The following PPM1H variants were observed in gnomAD, a reference collection of about 807,000 sequenced individuals.
PPM1H encodes protein phosphatase, Mg2+/Mn2+ dependent 1H.
A neutral mutation model predicts 54.9 loss-of-function variants in PPM1H; 27 were observed. The observed-to-expected ratio is 0.49, with a 90% confidence interval of 0.36 to 0.68. The LOEUF (loss-of-function observed/expected upper bound fraction) is 0.68, where lower values mean the gene tolerates loss of function less well. Ranked by LOEUF, PPM1H falls within the 30% of genes least tolerant of loss-of-function variation. The probability of loss-of-function intolerance (pLI) is 0.00; values close to 1 mark genes in which losing one functional copy is unlikely to be tolerated. For synonymous variants in PPM1H, 305 were observed against 270.8 expected (o/e 1.13, Z -1.24); for missense variants, 596 against 667.8 (o/e 0.89, Z 1.19).
At chr12:62,718,208 C>T (rs2120453236) in intron 6 of PPM1H, among the ~76,000 whole-genome samples, 1 of 152,334 alleles carries the variant, frequency 6.6e-6, no homozygotes, top group East Asian at 1.9e-4. Context: ...GTTAAAGAGA[C>T]ATATTTAAAT....
At chr12:62,693,495 C>T (rs2076094846) in intron 7 of PPM1H, among the ~76,000 whole-genome samples, 1 of 152,220 alleles carries the variant, frequency 6.6e-6, no homozygotes, top group African/African-American at 2.4e-5. Context: ...ACCACATCCG[C>T]AGCTGCCCCT....
At chr12:62,764,586 T>C (rs935609998) in intron 4 of PPM1H, among the ~76,000 whole-genome samples, 1 of 152,178 alleles carries the variant, frequency 6.6e-6, no homozygotes, top group African/African-American at 2.4e-5. Flanking sequence ...AAGACCTTTC[T>C]TCCTCTCCCA....
chr12:62,668,781 ATATCACCTC>A, intron 8 of PPM1H, among the ~76,000 whole-genome samples: 1 of 152,250 alleles, frequency 6.6e-6, no homozygotes, highest in Non-Finnish European at 1.5e-5. Flanking sequence ...AGAGACAATC[ATATCACCTC>A]AGCCTAGAGA....
intron 1 of PPM1H, among the ~76,000 whole-genome samples, chr12:62,900,624 C>T (rs1043642387): frequency 6.6e-6 from 1 of 151,084 alleles, no homozygotes; most frequent in African/African-American, 2.4e-5. Flanking sequence ...GAAAGGACTA[C>T]GTGGAAACGA....
At chr12:62,896,486 G>A (rs1157102468) in intron 1 of PPM1H, among the ~76,000 whole-genome samples, 4 of 152,106 alleles carry the variant, frequency 2.6e-5, no homozygotes, top group Admixed American at 1.3e-4. Flanking sequence ...GCAGCCAACA[G>A]ACATATGAAA....
chr12:62,684,698 G>A (rs1455264766), intron 8 of PPM1H, among the ~76,000 whole-genome samples: 1 of 152,048 alleles, frequency 6.6e-6, no homozygotes, highest in Non-Finnish European at 1.5e-5. Flanking sequence ...AAAGATCCAC[G>A]CCTGGCAAAG....
intron 8 of PPM1H, among the ~76,000 whole-genome samples, chr12:62,683,033 T>TTA (rs1555188730): frequency 4.5e-5 from 6 of 133,674 alleles, no homozygotes; most frequent in Non-Finnish European, 6.5e-5. Context: ...GAGTTTATTA[T>TTA]TTATTATTAT....
chr12:62,664,158 C>A (rs562795663), intron 9 of PPM1H, among the ~76,000 whole-genome samples: 17 of 152,142 alleles, frequency 1.1e-4, no homozygotes, highest in African/African-American at 3.6e-4. Flanking sequence ...GATCTTGTGG[C>A]CAGAGGTTCC....
At chr12:62,726,044 AT>A (rs1249211871) in intron 5 of PPM1H, among the ~76,000 whole-genome samples, 1 of 152,098 alleles carries the variant, frequency 6.6e-6, no homozygotes, top group Non-Finnish European at 1.5e-5. Context: ...CCTGTGATAT[AT>A]TTTTACCACT....
chr12:62,727,997 G>A lies in PPM1H; in HGVS notation c.955-7708C>T, dbSNP rs144291245. On this transcript the variant is annotated intron_variant, in intron 5 of 9. Coordinates refer to ENST00000228705, the MANE Select transcript of PPM1H (RefSeq NM_020700.2). ...TTTAAAGTGTACCAGCCCACCCTCCGATTAAAAAAAAAGGATCTCTTCTTG... is the reference window on the plus strand; with the variant it reads ...TTTAAAGTGTACCAGCCCACCCTCCAATTAAAAAAAAAGGATCTCTTCTTG... Among the ~76,000 whole-genome samples the A allele has an allele frequency of 1.3e-4, 20 of 151,344 alleles. No homozygotes were observed. The South Asian group carries it at 3.3e-3, about 25-fold the overall frequency.
chr12:62,743,566 A>G (rs2076394169), intron 4 of PPM1H, among the ~76,000 whole-genome samples: 1 of 152,152 alleles, frequency 6.6e-6, no homozygotes, highest in Middle Eastern at 3.2e-3. Context: ...AGAAACAGGG[A>G]GGGTAAAACA....
At chr12:62,857,754 C>G (rs565256923) in intron 1 of PPM1H, among the ~76,000 whole-genome samples, 8 of 152,238 alleles carry the variant, frequency 5.3e-5, no homozygotes, top group Admixed American at 1.3e-4. Flanking sequence ...CCAAATTAGA[C>G]CACCCTTGCT....
chr12:62,927,965 A>G (rs1872026409), intron 1 of PPM1H, among the ~76,000 whole-genome samples: 2 of 152,240 alleles, frequency 1.3e-5, no homozygotes, highest in African/African-American at 4.8e-5. Context: ...TTCATTAGAC[A>G]CAGTGAAAAA....
chr12:62,876,395 A>G (rs1237173698), intron 1 of PPM1H, among the ~76,000 whole-genome samples: 1 of 152,146 alleles, frequency 6.6e-6, no homozygotes, highest in African/African-American at 2.4e-5. Context: ...GAGATCCATA[A>G]TTTTGCTCTA....
Position 62,788,301 on chromosome 12 carries a change from A to G in PPM1H, c.794T>C (p.Ile265Thr), listed in dbSNP as rs1347390912. The change falls in exon 4 of 10, where the codon ATA (isoleucine) becomes ACA (threonine). Residue 265 changes from isoleucine to threonine, a missense_variant. Transcript: ENST00000228705. ...AATGAGGGCCGTGCAGCCACCAGATATATTATATGAACTCCTCTCTCGTTC... is the reference window on the plus strand; with the variant it reads ...AATGAGGGCCGTGCAGCCACCAGATGTATTATATGAACTCCTCTCTCGTTC... ...QIERERSSYNISGGCTALIVI... is the reference protein window; with the variant it reads ...QIERERSSYNTSGGCTALIVI... The G allele has an allele frequency of 6.3e-7, 1 of 1,589,770 alleles. No homozygotes were observed. The highest frequency in any genetic ancestry group is 8.6e-7 in the Non-Finnish European group (1 of 1,166,986).
intron 6 of PPM1H, among the ~76,000 whole-genome samples, chr12:62,698,792 T>C (rs888614596): frequency 7.3e-6 from 1 of 137,082 alleles, no homozygotes; most frequent in Non-Finnish European, 1.5e-5. Flanking sequence ...CCTGAGAATG[T>C]TTTTTTTGGC....
At chr12:62,932,145 C>G (rs1332077239) in intron 1 of PPM1H, among the ~76,000 whole-genome samples, 1 of 149,794 alleles carries the variant, frequency 6.7e-6, no homozygotes, top group Non-Finnish European at 1.5e-5. Context: ...ATTTTTGCCA[C>G]TAACTTTAAA....
rs1227926173 is a variant in PPM1H, at chr12:62,863,670, G to T, written c.246-31391C>A. ...TGACTCTTACTATAGGCACTATAGG[G>T]TTGCTATTGTCTTACACCGTACCAT... On this transcript the variant is annotated intron_variant, in intron 1 of 9. Transcript: ENST00000228705. Among the ~76,000 whole-genome samples the T allele has an allele frequency of 3.9e-5, 6 of 152,296 alleles. No individual in the cohort carries two copies. In the East Asian group the frequency reaches 9.7e-4, roughly 25 times the overall value.
chr12:62,847,737 G>A (rs1228789564), intron 1 of PPM1H, among the ~76,000 whole-genome samples: 3 of 151,822 alleles, frequency 2.0e-5, no homozygotes, highest in Non-Finnish European at 4.4e-5. Flanking sequence ...GTAAATCAAA[G>A]TTTATTTTAA....
Sources: allele counts gnomAD v4.1 joint callset (sites outside exome capture counted in the v4.1 genomes callset), GRCh38; gene constraint gnomAD v4.1.1; transcripts MANE v1.5; gene names NCBI Gene and HGNC (gene_info 2026-07-23, HGNC 2026-07-21).